TP53BP2: variants seen among roughly 807,000 people sequenced by gnomAD.
TP53BP2 encodes the protein apoptosis-stimulating of p53 protein 2.
Under a neutral mutation model 126.2 loss-of-function variants are expected in TP53BP2, and 62 were observed. The observed-to-expected ratio is 0.49, with a 90% confidence interval of 0.40 to 0.61. The LOEUF (loss-of-function observed/expected upper bound fraction) is 0.61, where lower values mean the gene tolerates loss of function less well. TP53BP2 is among the 20% of genes least tolerant of loss of function. The pLI is 0.00. For missense variants in TP53BP2, 1,215 were observed against 1,402.8 expected (o/e 0.87, Z 2.14); for synonymous variants, 485 against 502.9 (o/e 0.96, Z 0.48).
intron 12 of TP53BP2, among the ~76,000 whole-genome samples, chr1:223,797,780 A>ATG (rs34287817): frequency 0.18 from 27,478 of 151,238 alleles, 3,078 homozygotes; most frequent in Non-Finnish European, 0.24. Context: ...TATGTGTGTG[A>ATG]TGTGTGTGTG....
At chr1:223,838,193 C>A (rs2102890517) in intron 1 of TP53BP2, among the ~76,000 whole-genome samples, 1 of 152,242 alleles carries the variant, frequency 6.6e-6, no homozygotes, top group East Asian at 1.9e-4. Context: ...CCAAATCTCC[C>A]ATTAAGCACT....
At chr1:223,809,874 T>A (rs1033966051) in intron 4 of TP53BP2, among the ~76,000 whole-genome samples, 4 of 152,116 alleles carry the variant, frequency 2.6e-5, no homozygotes, top group African/African-American at 9.7e-5. Flanking sequence ...TTGCCCAGGC[T>A]GGAGTGCCAT....
intron 15 of TP53BP2, among the ~76,000 whole-genome samples, chr1:223,790,804 C>G (rs1214960021): frequency 6.6e-6 from 1 of 151,972 alleles, no homozygotes; most frequent in Non-Finnish European, 1.5e-5. Flanking sequence ...CAGGGTCTCT[C>G]TCTGTTGCCC....
intron 1 of TP53BP2, among the ~76,000 whole-genome samples, chr1:223,836,708 G>A (rs1213110035): frequency 6.6e-6 from 1 of 152,056 alleles, no homozygotes; most frequent in South Asian, 2.1e-4. Context: ...AATAGATAAG[G>A]AGAGCATTAC....
chr1:223,781,301 C>A (rs539644923), intron 17 of TP53BP2, among the ~76,000 whole-genome samples: 2 of 152,226 alleles, frequency 1.3e-5, no homozygotes, highest in African/African-American at 4.8e-5. Flanking sequence ...AGACTGAATT[C>A]TTTTACCTTT....
chr1:223,828,872 G>A (rs933378194), intron 1 of TP53BP2, among the ~76,000 whole-genome samples: 4 of 152,004 alleles, frequency 2.6e-5, no homozygotes, highest in African/African-American at 9.7e-5. Context: ...TTTCTTTCTC[G>A]GGTGATGAAA....
At chr1:223,784,053 C>G in intron 17 of TP53BP2, 62 bp downstream of exon 17, 1 of 1,425,574 alleles carries the variant, frequency 7.0e-7, no homozygotes, top group Non-Finnish European at 9.9e-7. Context: ...TAACATACAG[C>G]AGTTTTTACA....
chr1:223,781,643 TAATA>T (rs1232059546), intron 17 of TP53BP2, among the ~76,000 whole-genome samples: 1 of 152,026 alleles, frequency 6.6e-6, no homozygotes, highest in African/African-American at 2.4e-5. Flanking sequence ...AATTTAAAAA[TAATA>T]AATAATTTTA....
intron 4 of TP53BP2, among the ~76,000 whole-genome samples, chr1:223,810,094 G>A (rs532428353): frequency 1.3e-5 from 2 of 151,692 alleles, no homozygotes; most frequent in Admixed American, 1.3e-4. Flanking sequence ...CCAAAGTGCT[G>A]GGATAACAGG....
At position 223,845,785 on chromosome 1, in the gene TP53BP2, A is replaced by AGGCGGCGGC. The variant is rs914921250; in HGVS notation, c.-114_-106dup. On this transcript the variant is annotated 5_prime_UTR_variant, in exon 1 of 18. Coordinates refer to ENST00000343537, the MANE Select transcript of TP53BP2 (RefSeq NM_001031685.3). The stretch of plus-strand genomic sequence containing the variant: ...AGCGAGGCCGCCCGGACCTGTTGCG[A>AGGCGGCGGC]GGCGGCGGCGGCGGCAGCGGCGGCG... 40 of 1,149,946 alleles carry AGGCGGCGGC rather than the reference A, an allele frequency of 3.5e-5. No homozygotes were observed. In the South Asian group the frequency reaches 5.7e-4, roughly 16 times the overall value. The allele number at this position is 1,149,946 out of a possible 1,614,324, so 71.2% of individuals were successfully genotyped here.
intron 1 of TP53BP2, among the ~76,000 whole-genome samples, chr1:223,840,777 TG>T (rs1249013145): frequency 3.3e-5 from 5 of 152,250 alleles, no homozygotes; most frequent in African/African-American, 1.2e-4. Flanking sequence ...TGACCCTCCA[TG>T]TGTCTTCCAG....
At position 223,795,982 on chromosome 1, in the gene TP53BP2, T is replaced by C; in HGVS notation, c.2557A>G (p.Asn853Asp). ...GCCTCTGGATTTGGTTCTTCTGGGT[T>C]ATTCTGGAGATTTGGGCTGTTGTCT... ...VPDNSPNLQN[N>D]PEEPNPEAPH... The change falls in exon 13 of 18, where the codon AAC becomes GAC. Residue 853 changes from asparagine to aspartate, a missense_variant. By Grantham distance (23) the Asn-to-Asp change is conservative (BLOSUM62 1). Around this residue, in one of 4 missense-constraint regions of TP53BP2, gnomAD observed 204 missense variants for 225.7 expected, o/e 0.90. Coordinates refer to ENST00000343537, the MANE Select transcript of TP53BP2 (RefSeq NM_001031685.3). 3.1e-6 allele frequency: 5 copies of C among 1,614,110 alleles called. No individual in the cohort carries two copies. Among genetic ancestry groups the C allele is most frequent in the Non-Finnish European group, 4.2e-6 (5 of 1,179,998 alleles).
intron 1 of TP53BP2, among the ~76,000 whole-genome samples, chr1:223,831,042 G>A (rs1421571047): frequency 6.6e-6 from 1 of 151,998 alleles, no homozygotes; most frequent in Non-Finnish European, 1.5e-5. Context: ...AGCTTGCAGT[G>A]AGCCGAGATC....
At chr1:223,793,242 A>C in intron 14 of TP53BP2, 61 bp downstream of exon 14, 1 of 1,285,092 alleles carries the variant, frequency 7.8e-7, no homozygotes. Flanking sequence ...ATTATACTCT[A>C]GCCTGGATGA....
intron 1 of TP53BP2, chr1:223,825,989 G>GACAC: frequency 6.6e-6 from 1 of 152,488 alleles, no homozygotes; most frequent in East Asian, 1.9e-4. Flanking sequence ...GCAAAAAAAA[G>GACAC]ACACTCAGCA....
chr1:223,810,983 A>C (rs1662891438), intron 3 of TP53BP2, among the ~76,000 whole-genome samples: 1 of 152,196 alleles, frequency 6.6e-6, no homozygotes, highest in South Asian at 2.1e-4. Flanking sequence ...AAGCACTTAA[A>C]AAAAGGAACA....
intron 2 of TP53BP2, among the ~76,000 whole-genome samples, chr1:223,816,845 T>C (rs1219239018): frequency 6.7e-6 from 1 of 148,452 alleles, no homozygotes; most frequent in Non-Finnish European, 1.5e-5. Context: ...ACCTTAAATA[T>C]ACACATTAAA....
chr1:223,816,010 A>G (rs1032872333), intron 2 of TP53BP2, among the ~76,000 whole-genome samples: 3 of 152,214 alleles, frequency 2.0e-5, no homozygotes, highest in Non-Finnish European at 4.4e-5. Context: ...ACGTATCACC[A>G]TTATTGACAC....
intron 2 of TP53BP2, among the ~76,000 whole-genome samples, chr1:223,817,664 G>A (rs1663134927): frequency 6.6e-6 from 1 of 152,124 alleles, no homozygotes; most frequent in Non-Finnish European, 1.5e-5. Flanking sequence ...GGTGGCTCAT[G>A]TCTGTAATCC....
Sources: allele counts gnomAD v4.1 joint callset (sites outside exome capture counted in the v4.1 genomes callset), GRCh38; gene constraint gnomAD v4.1.1; regional missense constraint gnomAD v4.1.1; transcripts MANE v1.5; gene names NCBI Gene and HGNC (gene_info 2026-07-23, HGNC 2026-07-21).